Variants in CAMSAP3 observed in about 807,000 individuals in gnomAD.
CAMSAP3 encodes the protein calmodulin-regulated spectrin-associated protein 3.
Under a neutral mutation model 112.5 loss-of-function variants are expected in CAMSAP3, and 34 were observed. The observed-to-expected ratio is 0.30, with a 90% confidence interval of 0.23 to 0.40. The LOEUF is 0.40. Ranked by LOEUF, CAMSAP3 falls within the 10% of genes least tolerant of loss-of-function variation. The pLI, the probability that CAMSAP3 is intolerant of heterozygous loss-of-function variation, is 1.00. For synonymous variants in CAMSAP3, 868 were observed against 799.8 expected (o/e 1.09, Z -1.44); for missense variants, 1,602 against 1,770.3 (o/e 0.90, Z 1.71).
At chr19:7,599,939 T>C (rs1397303367) in intron 1 of CAMSAP3, among the ~76,000 whole-genome samples, 1 of 4,452 alleles carries the variant, frequency 2.2e-4, no homozygotes, top group Non-Finnish European at 4.0e-4. Flanking sequence ...ACCCACCAAC[T>C]CATCCACCTA....
intron 1 of CAMSAP3, among the ~76,000 whole-genome samples, chr19:7,597,004 G>C (rs72992520): frequency 0.055 from 8,345 of 152,276 alleles, 317 homozygotes; most frequent in Admixed American, 0.085. Context: ...CTCAGTCTCG[G>C]CTTTGGGCAG....
intron 5 of CAMSAP3, among the ~76,000 whole-genome samples, chr19:7,608,929 C>T (rs527460092): frequency 2.1e-3 from 316 of 152,130 alleles, no homozygotes; most frequent in Middle Eastern, 0.017. Context: ...CCACTGCACC[C>T]GGCCCAGAAG....
intron 4 of CAMSAP3, chr19:7,606,909 C>A: frequency 7.7e-7 from 1 of 1,291,272 alleles, no homozygotes; most frequent in Non-Finnish European, 1.1e-6. Flanking sequence ...CCCTCTCATA[C>A]CTCCCCAAGC....
rs753797600 is a variant in CAMSAP3, at chr19:7,616,515, G to C, written c.3113-8G>C. The C allele has an allele frequency of 1.2e-6, 2 of 1,607,884 alleles. No individual in the cohort carries two copies. Among genetic ancestry groups the C allele is most frequent in the South Asian group, 1.1e-5 (1 of 90,960 alleles). On this transcript the variant is annotated splice_polypyrimidine_tract_variant and splice_region_variant and intron_variant, in intron 13 of 16. Coordinates refer to ENST00000160298, the MANE Select transcript of CAMSAP3 (RefSeq NM_020902.2). ...TGGTGGGCACTGACCTGCAATCTCT[G>C]TCCCCAGGCTCTCGGCTGAGCAAAA...
chr19:7,597,500 T>C (rs966029548), intron 1 of CAMSAP3, among the ~76,000 whole-genome samples: 1 of 152,160 alleles, frequency 6.6e-6, no homozygotes, highest in African/African-American at 2.4e-5. Flanking sequence ...TGTTTCCCCT[T>C]CTATAAAAGA....
In CAMSAP3 at chr19:7,617,967, C is replaced by G; in HGVS notation, c.3660C>G (p.Ser1220=). 1 of 1,614,190 alleles carries G rather than the reference C, an allele frequency of 6.2e-7. No individual in the cohort carries two copies. Among genetic ancestry groups the G allele is most frequent in the Non-Finnish European group, 8.5e-7 (1 of 1,180,034 alleles). ...RFTQIPAKTM[S]MSVDAFTIQG... ...CCCAGATCCCCGCCAAGACCATGTCCATGAGCGTCGATGCCTTCACCATCC... is the reference window on the plus strand; with the variant it reads ...CCCAGATCCCCGCCAAGACCATGTCGATGAGCGTCGATGCCTTCACCATCC... The change falls in exon 17 of 17, where the codon TCC becomes TCG. Residue 1220 remains serine (S), a synonymous_variant. Coordinates refer to ENST00000160298, the MANE Select transcript of CAMSAP3 (RefSeq NM_020902.2). The surrounding 1 kb of genome is among the most constrained non-coding windows in gnomAD (Gnocchi z 7.5).
rs756094453 is a variant in CAMSAP3 at position 7,611,073 on chromosome 19, T to C, written c.1050-22T>C. On this transcript the variant is annotated intron_variant, in intron 8 of 16. Transcript: ENST00000160298. This position sits in a 1 kb window ranked among gnomAD's most constrained non-coding sequence, Gnocchi z 6.9. ...GAGGAGGAGGTGGGGGTCCTGAGGC[T>C]GAAGTACGTCTCTCCGTACAGTTCT... The C allele has an allele frequency of 1.9e-6, 3 of 1,613,370 alleles. No homozygotes were observed. The highest frequency in any genetic ancestry group is 2.5e-6 in the Non-Finnish European group (3 of 1,179,626).
In CAMSAP3 at chr19:7,612,718, C is replaced by T. The variant is rs1243220380; in HGVS notation, c.2225C>T (p.Ala742Val). The change falls in exon 11 of 17, where the codon GCG becomes GTG. Residue 742 changes from alanine to valine, a missense_variant. Physicochemically the swap from Ala to Val is moderately conservative, Grantham distance 64. This residue lies in a region of CAMSAP3 where 1,100 missense variants were observed against 1,135.7 expected (regional missense o/e 0.97). Transcript: ENST00000160298. ...CCCGGATCCGCCCCACCACCTGCTG[C>T]GTGGGTCATCCCTGGCCCCACGACG... ...EAPGSAPPPA[A>V]WVIPGPTTGP... The T allele has an allele frequency of 2.6e-6, 4 of 1,529,228 alleles. No homozygotes were observed. The highest frequency in any genetic ancestry group is 3.5e-6 in the Non-Finnish European group (4 of 1,142,890). The allele number at this position is 1,529,228 out of a possible 1,614,324, so 94.7% of individuals were successfully genotyped here.
chr19:7,618,185 C>A lies in CAMSAP3; in HGVS notation c.*128C>A. On this transcript the variant is annotated 3_prime_UTR_variant, in exon 17 of 17. Transcript: ENST00000160298. ...TCTGGGTGGGGCTGGAGTCTCCACC[C>A]TCTGACTTTGAGTCCAGTCCTGCTG... is the stretch of plus-strand genomic sequence containing the variant. The A allele has an allele frequency of 9.2e-7, 1 of 1,085,772 alleles. No homozygotes were observed. The highest frequency in any genetic ancestry group is 1.3e-6 in the Non-Finnish European group (1 of 773,254). 67.3% of individuals were successfully genotyped at this position (1,085,772 alleles called of 1,614,324 possible).
At position 7,618,296 on chromosome 19, in the gene CAMSAP3, T is replaced by C. The variant is rs2030921886; in HGVS notation, c.*239T>C. The C allele has an allele frequency of 1.3e-5, 7 of 528,824 alleles. No individual in the cohort carries two copies. In the South Asian group the frequency reaches 1.7e-4, roughly 13 times the overall value. The allele number at this position is 528,824 out of a possible 1,614,324, so 32.8% of individuals were successfully genotyped here. A position where few individuals can be genotyped will look rare whatever the true frequency, so the allele number is the denominator to read the frequency against. On this transcript the variant is annotated 3_prime_UTR_variant, in exon 17 of 17. Transcript: ENST00000160298. ...CCCCCACTTCTTGAATAAAATAATT[T>C]AAAGAGAAGTTGAACCTTGTCCCCC...
chr19:7,614,259 CAAAA>C (rs1173068955), intron 11 of CAMSAP3, among the ~76,000 whole-genome samples: 568 of 18,662 alleles, frequency 0.03, 12 homozygotes, highest in Admixed American at 0.2. Context: ...GACTCCATCT[CAAAA>C]AAAAAAAAAA....
In CAMSAP3 at chr19:7,608,221, C is replaced by T. The variant is rs201177218; in HGVS notation, c.717C>T (p.Ala239=). Residue 239 remains alanine, a synonymous_variant, in exon 5 of 17, where the codon GCC becomes GCT. Transcript: ENST00000160298. ...ACCTGGCCAGTGGGGCCGCGCTGGC[C>T]GCCACCATCCACTGCTATTGTCCCC... is the stretch of plus-strand genomic sequence containing the variant. ...LQDLASGAAL[A]ATIHCYCPQL... The T allele has an allele frequency of 5.4e-3, 8,705 of 1,612,688 alleles. 30 individuals carry two copies. The highest frequency in any genetic ancestry group is 6.7e-3 in the Non-Finnish European group (7,944 of 1,179,888).
chr19:7,606,611 C>A (rs576559841), intron 4 of CAMSAP3, 40 bp downstream of exon 4: 9 of 1,517,838 alleles, frequency 5.9e-6, no homozygotes, highest in Non-Finnish European at 7.1e-6. Context: ...GATGGGGGAC[C>A]GGAGATCTGG....
rs749078169 is a variant in CAMSAP3 at position 7,596,059 on chromosome 19, C to T, written c.57C>T (p.Pro19=). Residue 19 remains proline (P), a synonymous_variant, in exon 1 of 17, where the codon CCC becomes CCT. Coordinates refer to ENST00000160298, the MANE Select transcript of CAMSAP3 (RefSeq NM_020902.2). The part of the protein sequence containing the change: ...PGPLRRTFLV[P]EIKSLDQYDF... ...CGCTGCGGAGGACCTTTCTAGTGCC[C>T]GAGATCAAGTCGCTGGACCAGTACG... The T allele has an allele frequency of 1.0e-5, 13 of 1,280,550 alleles. No homozygotes were observed. The highest frequency in any genetic ancestry group is 1.3e-5 in the Non-Finnish European group (13 of 986,614). The allele number at this position is 1,280,550 out of a possible 1,614,324, so 79.3% of individuals were successfully genotyped here.
At chr19:7,598,070 C>T (rs1017323388) in intron 1 of CAMSAP3, among the ~76,000 whole-genome samples, 16 of 152,118 alleles carry the variant, frequency 1.1e-4, no homozygotes, top group African/African-American at 2.2e-4. Context: ...CTGGGCTGGG[C>T]GCTCAGGGTG....
In CAMSAP3 at chr19:7,607,613, T is replaced by C. The variant is rs2030282909; in HGVS notation, c.622-513T>C. 6.6e-6 allele frequency among the ~76,000 whole-genome samples: 1 copy of C among 152,048 alleles called. No homozygotes were observed. On this transcript the variant is annotated intron_variant, in intron 4 of 16. Coordinates refer to ENST00000160298, the MANE Select transcript of CAMSAP3 (RefSeq NM_020902.2). This position sits in a 1 kb window ranked among gnomAD's most constrained non-coding sequence, Gnocchi z 4.9. The stretch of plus-strand genomic sequence containing the variant: ...CCTGGGTCTTTTGTGGGAGGAGGAT[T>C]CCCCGCATAAGAGGGGGTTCCTACT...
chr19:7,598,383 C>T (rs962039248), intron 1 of CAMSAP3, among the ~76,000 whole-genome samples: 5 of 152,004 alleles, frequency 3.3e-5, no homozygotes, highest in African/African-American at 1.2e-4. Flanking sequence ...TGAGGAAGGC[C>T]CTTCAGGCCC....
chr19:7,601,925 A>G (rs966805790), intron 1 of CAMSAP3, among the ~76,000 whole-genome samples: 1 of 149,544 alleles, frequency 6.7e-6, no homozygotes, highest in Non-Finnish European at 1.5e-5. Flanking sequence ...GTAGCCGGGC[A>G]TGGTGGTGCA....
Position 7,612,151 on chromosome 19 carries a change from C to A in CAMSAP3, c.1658C>A (p.Ser553Ter). The A allele has an allele frequency of 6.2e-7, 1 of 1,612,332 alleles. No homozygotes were observed. Among genetic ancestry groups the A allele is most frequent in the Non-Finnish European group, 8.5e-7 (1 of 1,179,736 alleles). The change falls in exon 11 of 17, where the codon TCG becomes TAG. Residue 553 changes from serine to a stop codon, truncating the protein, a stop_gained. Coordinates refer to ENST00000160298, the MANE Select transcript of CAMSAP3 (RefSeq NM_020902.2). LOFTEE classifies it high-confidence loss of function. The part of the protein sequence containing the change: ...PSEGSPKAVA[S>*]SPAATNSEVK... ...GAGGGGTCCCCGAAGGCGGTGGCTT[C>A]GTCCCCAGCAGCCACCAACTCCGAG...
Sources: gnomAD v4.1 joint callset for allele counts (sites outside exome capture counted in the v4.1 genomes callset) on GRCh38, gnomAD v4.1.1 for gene constraint, gnomAD v4.1.1 regional missense constraint, Gnocchi (gnomAD v3.1) non-coding constraint, MANE v1.5 for transcripts, NCBI Gene and HGNC (gene_info 2026-07-23, HGNC 2026-07-21) for gene names.